PARD3B: variants seen among roughly 807,000 people sequenced by gnomAD.
The protein encoded by PARD3B is par-3 family cell polarity regulator beta.
A neutral mutation model predicts 130.2 loss-of-function variants in PARD3B; 103 were observed. That is an observed-to-expected ratio of 0.79 (90% confidence interval 0.67 to 0.93). The LOEUF is 0.93. PARD3B is among the 40% of genes least tolerant of loss of function. The pLI is 0.00. For synonymous variants in PARD3B, 583 were observed against 553.2 expected, an observed-to-expected ratio of 1.05 and a Z score of -0.76; for missense variants, 1,609 against 1,499.2, an observed-to-expected ratio of 1.07 and a Z score of -1.21.
At position 204,876,134 on chromosome 2, in the gene PARD3B, T is replaced by C. The variant is rs115213959; in HGVS notation, c.223-89018T>C. On this transcript the variant is annotated intron_variant, in intron 2 of 22. Coordinates refer to ENST00000406610, the MANE Select transcript of PARD3B (RefSeq NM_001302769.2). ...AGTGGTGTATCCATCCTTGTAACAG[T>C]CAGGGAGTGGATTATCAATGGAAAC... is the stretch of plus-strand genomic sequence containing the variant. Among the ~76,000 whole-genome samples the C allele has an allele frequency of 4.3e-3, 660 of 152,276 alleles. 5 individuals are homozygous for C. Among genetic ancestry groups the C allele is most frequent in the African/African-American group, 0.015 (618 of 41,562 alleles).
Position 205,501,937 on chromosome 2 carries a change from T to G in PARD3B, c.3180+1906T>G, listed in dbSNP as rs150644386. Among the ~76,000 whole-genome samples the G allele has an allele frequency of 6.0e-4, 91 of 152,146 alleles. No homozygotes were observed. In the East Asian group the frequency reaches 0.017, roughly 28 times the overall value. On this transcript the variant is annotated intron_variant, in intron 21 of 22. Transcript: ENST00000406610. ...TTAATTTGTGTTTCCCATGCTCCGG[T>G]GTGTTGAGCTCTGCCAAAAGTGACT...
intron 22 of PARD3B, among the ~76,000 whole-genome samples, chr2:205,611,189 AG>A (rs2055216708): frequency 6.6e-6 from 1 of 152,182 alleles, no homozygotes; most frequent in African/African-American, 2.4e-5. Flanking sequence ...GTGTAGACAT[AG>A]GAGGATTCAA....
chr2:205,189,678 A>G (rs1166248694), intron 14 of PARD3B, among the ~76,000 whole-genome samples: 4 of 152,220 alleles, frequency 2.6e-5, no homozygotes, highest in Non-Finnish European at 5.9e-5. Flanking sequence ...CCGTTTTACT[A>G]GTCTAACTTA....
intron 20 of PARD3B, among the ~76,000 whole-genome samples, chr2:205,444,587 G>A (rs377521185): frequency 2.0e-4 from 31 of 152,322 alleles, no homozygotes; most frequent in African/African-American, 6.0e-4. Flanking sequence ...GGGAGCCACT[G>A]AAGCGTCATA....
chr2:205,109,704 A>C (rs1270514020), intron 5 of PARD3B, among the ~76,000 whole-genome samples: 1 of 125,418 alleles, frequency 8.0e-6, no homozygotes, highest in African/African-American at 3.1e-5. Flanking sequence ...CCCAGGCTGG[A>C]GTGAAGTGGT....
intron 4 of PARD3B, among the ~76,000 whole-genome samples, chr2:205,058,701 G>T (rs1559399006): frequency 6.6e-6 from 1 of 151,924 alleles, no homozygotes; most frequent in Non-Finnish European, 1.5e-5. Context: ...GTGATACTGG[G>T]CATCTTTTTA....
intron 11 of PARD3B, among the ~76,000 whole-genome samples, chr2:205,166,085 T>A (rs2034798665): frequency 6.6e-6 from 1 of 152,186 alleles, no homozygotes; most frequent in African/African-American, 2.4e-5. Context: ...TAGCAAGCAC[T>A]TCTTGAACAT....
chr2:204,845,633 A>G (rs2044430912), intron 2 of PARD3B, among the ~76,000 whole-genome samples: 1 of 152,082 alleles, frequency 6.6e-6, no homozygotes, highest in Non-Finnish European at 1.5e-5. Context: ...GCAGTATAAG[A>G]GTATGGCTGA....
chr2:205,476,387 A>G (rs539193543), intron 20 of PARD3B, among the ~76,000 whole-genome samples: 28 of 152,278 alleles, frequency 1.8e-4, no homozygotes, highest in African/African-American at 6.3e-4. Context: ...GTGAAAAGCC[A>G]CAGTAAGTAG....
intron 1 of PARD3B, among the ~76,000 whole-genome samples, chr2:204,657,026 T>A (rs906630246): frequency 1.3e-5 from 2 of 152,228 alleles, no homozygotes; most frequent in African/African-American, 4.8e-5. Flanking sequence ...ATTTTAGAAC[T>A]GCTGCTTCTT....
chr2:204,780,900 A>G (rs2041814495), intron 2 of PARD3B, among the ~76,000 whole-genome samples: 1 of 152,116 alleles, frequency 6.6e-6, no homozygotes, highest in African/African-American at 2.4e-5. Flanking sequence ...AAGATATGTC[A>G]TTGCACCTTT....
chr2:204,704,728 G>A (rs968511562), intron 2 of PARD3B, among the ~76,000 whole-genome samples: 3 of 152,020 alleles, frequency 2.0e-5, no homozygotes, highest in African/African-American at 7.2e-5. Context: ...CCTCCCCTTT[G>A]AATCTGAGGG....
At chr2:204,865,293 CATT>C (rs1245974901) in intron 2 of PARD3B, among the ~76,000 whole-genome samples, 1 of 152,124 alleles carries the variant, frequency 6.6e-6, no homozygotes, top group Non-Finnish European at 1.5e-5. Context: ...GAAAAGAAGT[CATT>C]ATACAAAAAA....
At chr2:204,546,692 A>C (rs1285656372) in intron 1 of PARD3B, among the ~76,000 whole-genome samples, 1 of 152,192 alleles carries the variant, frequency 6.6e-6, no homozygotes, top group Non-Finnish European at 1.5e-5. Context: ...TTGCTTAGCC[A>C]ACCTGTCTAC....
intron 22 of PARD3B, among the ~76,000 whole-genome samples, chr2:205,555,693 C>T (rs568462189): frequency 3.9e-4 from 59 of 152,318 alleles, no homozygotes; most frequent in African/African-American, 1.3e-3. Context: ...CACTCACCCA[C>T]GTACACAATG....
chr2:204,821,114 A>G (rs2043336195), intron 2 of PARD3B, among the ~76,000 whole-genome samples: 1 of 152,100 alleles, frequency 6.6e-6, no homozygotes. Flanking sequence ...GTTTTCATGT[A>G]TGGTAACTGA....
chr2:204,759,602 A>G (rs1444912053), intron 2 of PARD3B, among the ~76,000 whole-genome samples: 2 of 152,040 alleles, frequency 1.3e-5, no homozygotes, highest in Non-Finnish European at 2.9e-5. Context: ...TCTGTTGTTA[A>G]CATTTGCATG....
At chr2:205,574,625 CTT>C (rs1012758362) in intron 22 of PARD3B, among the ~76,000 whole-genome samples, 2 of 152,098 alleles carry the variant, frequency 1.3e-5, no homozygotes, top group African/African-American at 4.8e-5. Context: ...GACTCACTGA[CTT>C]AGCACTCCAG....
At chr2:205,353,611 T>C (rs1007916218) in intron 18 of PARD3B, among the ~76,000 whole-genome samples, 2 of 152,206 alleles carry the variant, frequency 1.3e-5, no homozygotes, top group Non-Finnish European at 2.9e-5. Context: ...TTAGAATTGT[T>C]GAGAATCTTG....
Sources: gnomAD v4.1 joint callset for allele counts (sites outside exome capture counted in the v4.1 genomes callset) on GRCh38, gnomAD v4.1.1 for gene constraint, MANE v1.5 for transcripts, NCBI Gene and HGNC (gene_info 2026-07-23, HGNC 2026-07-21) for gene names.